PDE9A: variants seen among roughly 807,000 people sequenced by gnomAD.
PDE9A encodes high affinity cGMP-specific 3',5'-cyclic phosphodiesterase 9A.
PDE9A carries 60 observed loss-of-function variants against 87.4 expected under a neutral mutation model. The ratio of observed to expected loss-of-function variants is 0.69; its 90% CI spans 0.56 to 0.85. The LOEUF (loss-of-function observed/expected upper bound fraction) is 0.85. Among genes scored for constraint, PDE9A ranks in the 40% least tolerant of loss-of-function variants. PDE9A has a pLI of 0.00. For synonymous variants in PDE9A, 272 were observed against 279.4 expected, an observed-to-expected ratio of 0.97 and a Z score of 0.27; for missense variants, 665 against 779.0, an observed-to-expected ratio of 0.85 and a Z score of 1.74.
intron 4 of PDE9A, among the ~76,000 whole-genome samples, chr21:42,706,512 G>A (rs1202334128): frequency 6.6e-6 from 1 of 152,052 alleles, no homozygotes; most frequent in South Asian, 2.1e-4. Context: ...GGGTGTGGTG[G>A]TGCACATCTG....
chr21:42,659,395 G>A lies in PDE9A; in HGVS notation c.69+5512G>A, dbSNP rs1265563992. ...AGTGGTGGGGACATGGTGCTGAGAC[G>A]GACAGCCTCGCCTCATCCGCCTTTC... On this transcript the variant is annotated intron_variant, in intron 1 of 19. Transcript: ENST00000291539. This position sits in a 1 kb window ranked among gnomAD's most constrained non-coding sequence, Gnocchi z 4.1. 2.0e-5 allele frequency among the ~76,000 whole-genome samples: 3 copies of A among 152,210 alleles called. No homozygotes were observed. The highest frequency in any genetic ancestry group is 4.8e-5 in the African/African-American group (2 of 41,458).
chr21:42,686,133 G>A lies in PDE9A; in HGVS notation c.70-59G>A, dbSNP rs140690740. ...GCCGAAGCGGAAGCACGTGGCGTCTGACGTCTCCAGGGAGACCCGCCGCCC... is the reference window on the plus strand; with the variant it reads ...GCCGAAGCGGAAGCACGTGGCGTCTAACGTCTCCAGGGAGACCCGCCGCCC... On this transcript the variant is annotated intron_variant, in intron 1 of 19. Transcript: ENST00000291539. 1.8e-4 allele frequency: 239 copies of A among 1,313,624 alleles called. 2 individuals are homozygous for A. The African/African-American group carries it at 2.9e-3, about 16-fold the overall frequency. 81.4% of individuals were successfully genotyped at this position (1,313,624 alleles called of 1,614,324 possible).
intron 10 of PDE9A, among the ~76,000 whole-genome samples, chr21:42,756,578 G>A (rs1459184164): frequency 2.3e-5 from 3 of 132,864 alleles, no homozygotes; most frequent in Non-Finnish European, 4.9e-5. Context: ...GCCCGTGAGC[G>A]TGGCCTGCCT....
At chr21:42,703,367 C>T (rs182541947) in intron 4 of PDE9A, among the ~76,000 whole-genome samples, 90 of 152,302 alleles carry the variant, frequency 5.9e-4, no homozygotes, top group Middle Eastern at 3.4e-3. Flanking sequence ...CTGAGCCGGA[C>T]GGAGACCGAA....
At position 42,751,162 on chromosome 21, in the gene PDE9A, T is replaced by G. The variant is rs571124452; in HGVS notation, c.700T>G (p.Leu234Val). The G allele has an allele frequency of 1.9e-6, 3 of 1,613,332 alleles. No individual in the cohort carries two copies. In the Admixed American group the frequency reaches 5.0e-5, roughly 27 times the overall value. Residue 234 changes from leucine (L) to valine (V), a missense_variant, in exon 9 of 20, where the codon TTG (leucine) becomes GTG (valine). By Grantham distance (32) the Leu-to-Val change is conservative. Coordinates refer to ENST00000291539, the MANE Select transcript of PDE9A (RefSeq NM_002606.3). Reference sequence around the variant, plus strand: ...CAGTTTTTTGGATAACCACAAGAAGTTGACTCCTCGACGCGATGTTCCCAC... The same window carrying G: ...CAGTTTTTTGGATAACCACAAGAAGGTGACTCCTCGACGCGATGTTCCCAC... Reference protein sequence around the residue: ...KYSFLDNHKKLTPRRDVPTYP... With the variant: ...KYSFLDNHKKVTPRRDVPTYP...
intron 4 of PDE9A, among the ~76,000 whole-genome samples, chr21:42,714,231 A>G (rs968130671): frequency 6.6e-6 from 1 of 151,982 alleles, no homozygotes. Context: ...ATTAGCCAGG[A>G]TGGTCTCGCT....
chr21:42,703,396 A>G (rs1481777183), intron 4 of PDE9A, among the ~76,000 whole-genome samples: 2 of 152,208 alleles, frequency 1.3e-5, no homozygotes, highest in Non-Finnish European at 2.9e-5. Flanking sequence ...TGGGAGAAGG[A>G]CGCTGGTGAC....
chr21:42,747,814 G>A (rs35168968), intron 8 of PDE9A, among the ~76,000 whole-genome samples: 4,775 of 152,332 alleles, frequency 0.031, 114 homozygotes, highest in South Asian at 0.061. Flanking sequence ...AGGGCTCAGC[G>A]TTCATCCCAA....
At chr21:42,663,272 C>T (rs545822185) in intron 1 of PDE9A, among the ~76,000 whole-genome samples, 21 of 151,266 alleles carry the variant, frequency 1.4e-4, no homozygotes, top group African/African-American at 5.1e-4. Context: ...AAGCACATCA[C>T]AAACACCACA....
At chr21:42,744,531 G>A (rs538148273) in intron 8 of PDE9A, among the ~76,000 whole-genome samples, 5 of 152,136 alleles carry the variant, frequency 3.3e-5, no homozygotes, top group African/African-American at 1.2e-4. Context: ...GCCTCCTGTT[G>A]CCCCCAGGGA....
Position 42,680,067 on chromosome 21 carries a change from C to T in PDE9A, c.70-6125C>T, listed in dbSNP as rs537294055. Reference sequence around the variant, plus strand: ...TGCCAGGAGCCTGGGCGGGCCTGGGCTCTCGCAGCCTGCAGCCCCTCCCCT... The same window carrying T: ...TGCCAGGAGCCTGGGCGGGCCTGGGTTCTCGCAGCCTGCAGCCCCTCCCCT... On this transcript the variant is annotated intron_variant, in intron 1 of 19. Transcript: ENST00000291539. 9.2e-5 allele frequency among the ~76,000 whole-genome samples: 14 copies of T among 152,308 alleles called. No homozygotes were observed. In the South Asian group the frequency reaches 2.7e-3, roughly 29 times the overall value.
intron 1 of PDE9A, among the ~76,000 whole-genome samples, chr21:42,683,010 T>G (rs2059253345): frequency 6.6e-6 from 1 of 152,088 alleles, no homozygotes; most frequent in Admixed American, 6.5e-5. Context: ...CTCATTTCAG[T>G]TTACAAAAAA....
chr21:42,724,500 A>T (rs544971784), intron 4 of PDE9A: 2 of 577,460 alleles, frequency 3.5e-6, no homozygotes, highest in African/African-American at 4.0e-5. Flanking sequence ...CTGTTTGTGG[A>T]TGCGTGGGTG....
rs375654686 is a variant in PDE9A at position 42,740,688 on chromosome 21, AGTAG to A, written c.569-3075_569-3072del. Among the ~76,000 whole-genome samples, 215 of 147,328 alleles carry A rather than the reference AGTAG, an allele frequency of 1.5e-3. 3 individuals are homozygous for A. The highest frequency in any genetic ancestry group is 5.1e-3 in the African/African-American group (204 of 39,660). ...TAAATGGATGGATGGATAGATACACAGTAGGTAGGTAGGTAGTAGATAGATAGAT... is the reference window on the plus strand; with the variant it reads ...TAAATGGATGGATGGATAGATACACAGTAGGTAGGTAGTAGATAGATAGAT... On this transcript the variant is annotated intron_variant, in intron 7 of 19. Coordinates refer to ENST00000291539, the MANE Select transcript of PDE9A (RefSeq NM_002606.3).
In PDE9A at chr21:42,767,105, C is replaced by T. The variant is rs113706751; in HGVS notation, c.1357-1083C>T. On this transcript the variant is annotated intron_variant, in intron 15 of 19. Transcript: ENST00000291539. The stretch of plus-strand genomic sequence containing the variant: ...ACGGCCAGGCATCGTCTCACTGCTA[C>T]GGAGCCCCAGACGGGGCTTTATGAA... Among the ~76,000 whole-genome samples, 836 of 152,086 alleles carry T rather than the reference C, an allele frequency of 5.5e-3. 12 individuals carry two copies. The highest frequency in any genetic ancestry group is 0.018 in the African/African-American group (763 of 41,508).
chr21:42,765,252 G>A, intron 14 of PDE9A, 129 bp from the exon 15 acceptor site: 1 of 595,296 alleles, frequency 1.7e-6, no homozygotes, highest in Non-Finnish European at 3.0e-6. Flanking sequence ...ATGGGTGATG[G>A]ATGCACATAT....
chr21:42,706,743 A>G (rs984270375), intron 4 of PDE9A, among the ~76,000 whole-genome samples: 12 of 152,046 alleles, frequency 7.9e-5, no homozygotes, highest in African/African-American at 2.4e-4. Flanking sequence ...CATCAACCCA[A>G]AAAGAATCCC....
At position 42,695,616 on chromosome 21, in the gene PDE9A, G is replaced by A. The variant is rs1020631503; in HGVS notation, c.219-3352G>A. 2.0e-5 allele frequency among the ~76,000 whole-genome samples: 3 copies of A among 152,052 alleles called. No individual in the cohort carries two copies. Among genetic ancestry groups the A allele is most frequent in the African/African-American group, 4.8e-5 (2 of 41,402 alleles). ...CTGTGCATGCAGGGCCAGTATTCTC[G>A]GCCATTCTGGCTTAGAGAAAAGCTT... On this transcript the variant is annotated intron_variant, in intron 3 of 19. Coordinates refer to ENST00000291539, the MANE Select transcript of PDE9A (RefSeq NM_002606.3). The surrounding 1 kb of genome is among the most constrained non-coding windows in gnomAD (Gnocchi z 4.3).
rs116895985 is a variant in PDE9A, at chr21:42,744,856, C to T, written c.653+996C>T. On this transcript the variant is annotated intron_variant, in intron 8 of 19. Transcript: ENST00000291539. The stretch of plus-strand genomic sequence containing the variant: ...TGAGCAGAGCGCATGCATTGAGGCA[C>T]TTACTGTGTGCGGGCGCTGTGCTTA... Among the ~76,000 whole-genome samples the T allele has an allele frequency of 4.1e-4, 63 of 152,340 alleles. 1 individual carries two copies. The East Asian group carries it at 0.011, about 27-fold the overall frequency.
Sources: gnomAD v4.1 joint callset for allele counts (sites outside exome capture counted in the v4.1 genomes callset) on GRCh38, gnomAD v4.1.1 for gene constraint, Gnocchi (gnomAD v3.1) non-coding constraint, MANE v1.5 for transcripts, NCBI Gene and HGNC (gene_info 2026-07-23, HGNC 2026-07-21) for gene names.